EPHA6: variants seen among roughly 807,000 people sequenced by gnomAD.
EPHA6 encodes the protein ephrin type-A receptor 6.
EPHA6 carries 50 observed loss-of-function variants against 112.0 expected under a neutral mutation model. That is an observed-to-expected ratio of 0.45 (90% CI 0.36 to 0.56). The LOEUF is 0.56. Ranked by LOEUF, EPHA6 falls within the 20% of genes least tolerant of loss-of-function variation. The pLI, the probability that EPHA6 is intolerant of heterozygous loss-of-function variation, is 0.00. For missense variants in EPHA6, 1,280 were observed against 1,417.4 expected (o/e 0.90, Z 1.56); for synonymous variants, 529 against 490.7 (o/e 1.08, Z -1.03).
intron 3 of EPHA6, among the ~76,000 whole-genome samples, chr3:97,043,827 G>T (rs376664701): frequency 1.3e-5 from 2 of 152,130 alleles, no homozygotes; most frequent in African/African-American, 2.4e-5. Context: ...GCACACTGAG[G>T]TCCTAATGCC....
At chr3:97,029,864 A>G (rs1559680427) in intron 3 of EPHA6, among the ~76,000 whole-genome samples, 1 of 152,114 alleles carries the variant, frequency 6.6e-6, no homozygotes, top group East Asian at 1.9e-4. Flanking sequence ...AAAAATTAAC[A>G]ATACTGGTAT....
intron 13 of EPHA6, among the ~76,000 whole-genome samples, chr3:97,629,391 A>T (rs866681086): frequency 2.6e-5 from 4 of 152,032 alleles, no homozygotes; most frequent in South Asian, 2.1e-4. Context: ...AGACATGCAC[A>T]TATATGAGAG....
Position 97,214,038 on chromosome 3 carries a change from T to TGTGTGTGTGTGTGAGAGA in EPHA6, c.1115-12225_1115-12224insTGTGTGTGTGTGAGAGAG, listed in dbSNP as rs1491420279. Among the ~76,000 whole-genome samples, 433 of 77,766 alleles carry TGTGTGTGTGTGTGAGAGA rather than the reference T, an allele frequency of 5.6e-3. 3 individuals carry two copies. Among genetic ancestry groups the TGTGTGTGTGTGTGAGAGA allele is most frequent in the African/African-American group, 0.012 (356 of 28,612 alleles). 51.0% of individuals were successfully genotyped at this position (77,766 alleles called of 152,430 possible). ...GTGTGTGTGTGTGTGTGTGTGTGTG[T>TGTGTGTGTGTGTGAGAGA]GAGAGAGAGAGAGAGAGGGAGAGGG... On this transcript the variant is annotated intron_variant, in intron 3 of 17. Coordinates refer to ENST00000389672, the MANE Select transcript of EPHA6 (RefSeq NM_001080448.3).
chr3:97,643,633 G>A (rs1171067405), intron 14 of EPHA6, among the ~76,000 whole-genome samples: 3 of 151,494 alleles, frequency 2.0e-5, no homozygotes, highest in Non-Finnish European at 4.4e-5. Flanking sequence ...AAAAGCAGGC[G>A]TTGCAATCCT....
intron 5 of EPHA6, among the ~76,000 whole-genome samples, chr3:97,319,122 C>T (rs988460405): frequency 6.6e-6 from 1 of 151,122 alleles, no homozygotes; most frequent in African/African-American, 2.4e-5. Flanking sequence ...ATGAGAGACA[C>T]TTCCATATAT....
chr3:97,657,566 C>T (rs900412795), intron 14 of EPHA6, among the ~76,000 whole-genome samples: 3 of 151,730 alleles, frequency 2.0e-5, no homozygotes, highest in East Asian at 3.9e-4. Context: ...TGAACAGACA[C>T]GAATCATTAA....
In EPHA6 at chr3:97,756,724, A is replaced by AT. The variant is rs2036034975; in HGVS notation, c.*8027dup. 6.6e-6 allele frequency among the ~76,000 whole-genome samples: 1 copy of AT among 151,848 alleles called. No individual in the cohort carries two copies. The stretch of plus-strand genomic sequence containing the variant: ...AAAAATCAAAATGTGAAATGGGAGC[A>AT]TTTTGGGGAGCGAGCAGGACACAAT... On this transcript the variant is annotated 3_prime_UTR_variant, in exon 18 of 18. Coordinates refer to ENST00000389672, the MANE Select transcript of EPHA6 (RefSeq NM_001080448.3).
rs1304963839 is a variant in EPHA6, at chr3:96,846,717, A to G, written c.386-20108A>G. 4.6e-5 allele frequency among the ~76,000 whole-genome samples: 7 copies of G among 152,130 alleles called. No individual in the cohort carries two copies. In the East Asian group the frequency reaches 1.2e-3, roughly 25 times the overall value. ...ACTTAGAATAAACTAAGAGAGGACT[A>G]TTTACTGGGTGTATTTACTATTTGC... On this transcript the variant is annotated intron_variant, in intron 1 of 17. Coordinates refer to ENST00000389672, the MANE Select transcript of EPHA6 (RefSeq NM_001080448.3).
At chr3:97,498,330 CAAAA>C (rs1297962805) in intron 10 of EPHA6, among the ~76,000 whole-genome samples, 3 of 58,492 alleles carry the variant, frequency 5.1e-5, no homozygotes, top group Non-Finnish European at 9.5e-5. Context: ...AAGAAAATAG[CAAAA>C]AAAAAAAAAA....
At chr3:97,538,600 G>A (rs923656698) in intron 11 of EPHA6, among the ~76,000 whole-genome samples, 5 of 152,166 alleles carry the variant, frequency 3.3e-5, no homozygotes, top group African/African-American at 7.2e-5. Flanking sequence ...AGGAGAACTA[G>A]CATTAAGAGG....
At chr3:97,026,261 T>C (rs149045730) in intron 3 of EPHA6, among the ~76,000 whole-genome samples, 1 of 152,200 alleles carries the variant, frequency 6.6e-6, no homozygotes, top group East Asian at 1.9e-4. Flanking sequence ...CGGGCTCTTT[T>C]TGGTTCCAGA....
chr3:96,856,810 G>GAA (rs1003041939), intron 1 of EPHA6, among the ~76,000 whole-genome samples: 1 of 152,040 alleles, frequency 6.6e-6, no homozygotes, highest in African/African-American at 2.4e-5. Context: ...TTGGTCTTTT[G>GAA]AATGGATTTA....
intron 9 of EPHA6, chr3:97,481,496 C>T (rs1250462259): frequency 8.9e-7 from 1 of 1,123,904 alleles, no homozygotes; most frequent in African/African-American, 1.5e-5. Context: ...AACCATAGTT[C>T]CGGTTCTTCC....
intron 8 of EPHA6, among the ~76,000 whole-genome samples, chr3:97,476,836 G>C (rs942848269): frequency 2.0e-4 from 31 of 151,934 alleles, no homozygotes; most frequent in Non-Finnish European, 2.1e-4. Flanking sequence ...TTACAACTAT[G>C]TTTACTTAAG....
At chr3:97,711,398 G>A (rs963374777) in intron 14 of EPHA6, among the ~76,000 whole-genome samples, 2 of 151,558 alleles carry the variant, frequency 1.3e-5, no homozygotes, top group Non-Finnish European at 2.9e-5. Flanking sequence ...CAGAGAAACA[G>A]AACCATTAGG....
chr3:97,021,717 T>C (rs1253102237), intron 3 of EPHA6, among the ~76,000 whole-genome samples: 3 of 152,236 alleles, frequency 2.0e-5, no homozygotes, highest in Non-Finnish European at 4.4e-5. Context: ...AACAATCCTA[T>C]TGGTTTCAGG....
At chr3:97,372,094 A>T (rs1008397365) in intron 5 of EPHA6, among the ~76,000 whole-genome samples, 1 of 152,096 alleles carries the variant, frequency 6.6e-6, no homozygotes, top group African/African-American at 2.4e-5. Flanking sequence ...CTTGTGAAGC[A>T]TGTGATCTCT....
At chr3:97,167,384 T>TCC (rs1559769191) in intron 3 of EPHA6, among the ~76,000 whole-genome samples, 1,974 of 152,274 alleles carry the variant, frequency 0.013, 29 homozygotes, top group African/African-American at 0.044. Flanking sequence ...TTCCTCTTAA[T>TCC]GAAGTCTCAA....
intron 3 of EPHA6, among the ~76,000 whole-genome samples, chr3:97,215,706 G>T (rs2078015876): frequency 6.6e-6 from 1 of 151,202 alleles, no homozygotes; most frequent in Admixed American, 6.6e-5. Flanking sequence ...ATTGACTTTT[G>T]CCATATGTAT....
Sources: gnomAD v4.1 joint callset for allele counts (sites outside exome capture counted in the v4.1 genomes callset) on GRCh38, gnomAD v4.1.1 for gene constraint, MANE v1.5 for transcripts, NCBI Gene and HGNC (gene_info 2026-07-23, HGNC 2026-07-21) for gene names.